Variants in ALDH1A2 observed in about 807,000 individuals in gnomAD.
ALDH1A2 encodes retinal dehydrogenase 2.
A neutral mutation model predicts 60.3 loss-of-function variants in ALDH1A2; 27 were observed. The observed-to-expected ratio is 0.45, with a 90% CI of 0.33 to 0.62. The LOEUF is 0.62. ALDH1A2 is among the 20% of genes least tolerant of loss of function. ALDH1A2 has a pLI of 0.02. For missense variants in ALDH1A2, 581 were observed against 643.8 expected, an observed-to-expected ratio of 0.90 and a Z score of 1.06; for synonymous variants, 289 against 232.4, an observed-to-expected ratio of 1.24 and a Z score of -2.21.
At position 57,992,717 on chromosome 15, in the gene ALDH1A2, T is replaced by C; in HGVS notation, c.786A>G (p.Thr262=). Residue 262 remains threonine (T), a synonymous_variant, in exon 7 of 13, where the codon ACA becomes ACG. Coordinates refer to ENST00000249750, the MANE Select transcript of ALDH1A2 (RefSeq NM_003888.4). The stretch of plus-strand genomic sequence containing the variant: ...TTCAGATACCTACCTCAGTAGACCC[T>C]GTGAATGCAATCTTGTCTATGCCAA... ...SHIGIDKIAF[T]GSTEVGKLIQ... The C allele has an allele frequency of 6.2e-7, 1 of 1,614,082 alleles. No individual in the cohort carries two copies.
intron 7 of ALDH1A2, among the ~76,000 whole-genome samples, chr15:57,982,534 T>A (rs935194412): frequency 2.0e-5 from 3 of 152,140 alleles, no homozygotes; most frequent in Non-Finnish European, 4.4e-5. Flanking sequence ...AAGTAAAGGA[T>A]GAAGAGAAAT....
chr15:57,966,743 A>G (rs1893908800), intron 7 of ALDH1A2, among the ~76,000 whole-genome samples: 1 of 151,942 alleles, frequency 6.6e-6, no homozygotes, highest in South Asian at 2.1e-4. Flanking sequence ...CTCCATGATG[A>G]CCCAAGTGAC....
At position 57,965,708 on chromosome 15, in the gene ALDH1A2, A is replaced by G; in HGVS notation, c.901+17T>C. 4 of 1,571,974 alleles carry G rather than the reference A, an allele frequency of 2.5e-6. No individual in the cohort carries two copies. Among genetic ancestry groups the G allele is most frequent in the Non-Finnish European group, 3.5e-6 (4 of 1,141,434 alleles). On this transcript the variant is annotated intron_variant, in intron 8 of 12. Coordinates refer to ENST00000249750, the MANE Select transcript of ALDH1A2 (RefSeq NM_003888.4). ...GGGTGTGTGGTGGTTCATGTATGGGACCTGTAGTTGACTTACAGTCAGCAT... is the reference window on the plus strand; with the variant it reads ...GGGTGTGTGGTGGTTCATGTATGGGGCCTGTAGTTGACTTACAGTCAGCAT...
chr15:58,025,126 A>G (rs1378152156), intron 1 of ALDH1A2, among the ~76,000 whole-genome samples: 1 of 152,148 alleles, frequency 6.6e-6, no homozygotes, highest in Admixed American at 6.5e-5. Flanking sequence ...ACCTTGAGAA[A>G]CTAGAAAAAC....
intron 4 of ALDH1A2, among the ~76,000 whole-genome samples, chr15:57,999,043 A>T (rs1895165653): frequency 6.6e-6 from 1 of 152,162 alleles, no homozygotes; most frequent in African/African-American, 2.4e-5. Context: ...CTTATACAAA[A>T]ATTACCTCAA....
At chr15:58,000,885 A>C (rs1437390631) in intron 4 of ALDH1A2, among the ~76,000 whole-genome samples, 1 of 151,906 alleles carries the variant, frequency 6.6e-6, no homozygotes, top group East Asian at 1.9e-4. Context: ...AGGGGAGTCC[A>C]CGTGTATTAT....
intron 1 of ALDH1A2, among the ~76,000 whole-genome samples, chr15:58,029,937 C>T (rs1030090094): frequency 2.3e-4 from 35 of 152,176 alleles, no homozygotes; most frequent in African/African-American, 7.7e-4. Flanking sequence ...AATCACAGTG[C>T]AATTCTAACA....
intron 1 of ALDH1A2, among the ~76,000 whole-genome samples, chr15:58,059,614 G>A (rs1426408871): frequency 6.6e-6 from 1 of 152,112 alleles, no homozygotes. Context: ...TTTGCAACCT[G>A]GAGTTTAGGC....
chr15:57,960,758 T>A lies in ALDH1A2; in HGVS notation c.1484+12A>T, dbSNP rs1174301754. ...CTATTTCTCTGCAGGCATCAGCAAC[T>A]TTAAGACTTACATTTCTCTCCCATT... is the stretch of plus-strand genomic sequence containing the variant. On this transcript the variant is annotated intron_variant, in intron 12 of 12. Transcript: ENST00000249750. 6.2e-7 allele frequency: 1 copy of A among 1,612,458 alleles called. No homozygotes were observed. Among genetic ancestry groups the A allele is most frequent in the Non-Finnish European group, 8.5e-7 (1 of 1,178,560 alleles).
chr15:58,028,310 A>G (rs1310565360), intron 1 of ALDH1A2, among the ~76,000 whole-genome samples: 2 of 152,222 alleles, frequency 1.3e-5, no homozygotes, highest in Non-Finnish European at 2.9e-5. Context: ...AAGCTTCATA[A>G]GTGAAGGAGA....
chr15:57,996,664 T>C (rs1895075928), intron 4 of ALDH1A2, among the ~76,000 whole-genome samples: 1 of 151,986 alleles, frequency 6.6e-6, no homozygotes, highest in Non-Finnish European at 1.5e-5. Flanking sequence ...AGACTATCAT[T>C]ACAAACATAT....
chr15:57,989,263 C>T (rs1242695636), intron 7 of ALDH1A2, among the ~76,000 whole-genome samples: 3 of 152,136 alleles, frequency 2.0e-5, no homozygotes, highest in African/African-American at 7.2e-5. Context: ...ATGAACATTA[C>T]AACAAATAAT....
intron 7 of ALDH1A2, among the ~76,000 whole-genome samples, chr15:57,981,361 T>C (rs1566936764): frequency 6.7e-6 from 1 of 150,266 alleles, no homozygotes; most frequent in Non-Finnish European, 1.5e-5. Flanking sequence ...TAGCCAAAAA[T>C]ATTTGTAAAA....
intron 1 of ALDH1A2, among the ~76,000 whole-genome samples, chr15:58,031,134 C>T (rs190497315): frequency 7.9e-5 from 12 of 152,004 alleles, no homozygotes; most frequent in African/African-American, 7.2e-5. Flanking sequence ...GCTACAGTAA[C>T]CAAAACAGCC....
chr15:58,034,403 T>C (rs150127276), intron 1 of ALDH1A2, among the ~76,000 whole-genome samples: 111 of 151,790 alleles, frequency 7.3e-4, no homozygotes, highest in African/African-American at 2.4e-3. Flanking sequence ...ATTTTCTACA[T>C]AGAAAATTAT....
intron 1 of ALDH1A2, among the ~76,000 whole-genome samples, chr15:58,031,402 C>T (rs538750189): frequency 3.3e-5 from 5 of 152,238 alleles, no homozygotes; most frequent in Admixed American, 6.5e-5. Flanking sequence ...GACCTAAAAC[C>T]GTCAAAACCC....
chr15:58,003,563 T>A (rs777585732), intron 4 of ALDH1A2, among the ~76,000 whole-genome samples: 1 of 151,892 alleles, frequency 6.6e-6, no homozygotes, highest in Non-Finnish European at 1.5e-5. Context: ...GCTTAAAACA[T>A]GGACATTTTT....
intron 1 of ALDH1A2, among the ~76,000 whole-genome samples, chr15:58,025,099 AT>A (rs1407444588): frequency 6.6e-6 from 1 of 152,138 alleles, no homozygotes; most frequent in Non-Finnish European, 1.5e-5. Flanking sequence ...TTATAAATTA[AT>A]AATCTTTATC....
chr15:58,022,650 G>A (rs12911071), intron 1 of ALDH1A2, among the ~76,000 whole-genome samples: 53,872 of 151,976 alleles, frequency 0.35, 10,516 homozygotes, highest in Non-Finnish European at 0.46. Context: ...AGGGCCTAAA[G>A]ACTGGCCTAC....
Sources: gnomAD v4.1 joint callset for allele counts (sites outside exome capture counted in the v4.1 genomes callset) on GRCh38, gnomAD v4.1.1 for gene constraint, MANE v1.5 for transcripts, NCBI Gene and HGNC (gene_info 2026-07-23, HGNC 2026-07-21) for gene names.